RIMS1: variants seen among roughly 807,000 people sequenced by gnomAD.
RIMS1 encodes regulating synaptic membrane exocytosis protein 1.
Under a neutral mutation model 214.1 loss-of-function variants are expected in RIMS1, and 83 were observed. That is an observed-to-expected ratio of 0.39 (90% confidence interval 0.32 to 0.47). RIMS1 has a LOEUF of 0.47. RIMS1 is among the 20% of genes least tolerant of loss of function. The pLI, the probability that RIMS1 is intolerant of heterozygous loss-of-function variation, is 0.99. For synonymous variants in RIMS1, 793 were observed against 786.8 expected (o/e 1.01, Z -0.13); for missense variants, 2,050 against 2,161.8 (o/e 0.95, Z 1.03).
chr6:71,892,979 T>C (rs1422947804), intron 1 of RIMS1, among the ~76,000 whole-genome samples: 4 of 152,216 alleles, frequency 2.6e-5, no homozygotes, highest in Non-Finnish European at 5.9e-5. Context: ...AGATTTTATA[T>C]GTAAAGTGGA....
At chr6:72,083,749 A>G (rs886354493) in intron 2 of RIMS1, among the ~76,000 whole-genome samples, 1 of 152,152 alleles carries the variant, frequency 6.6e-6, no homozygotes, top group Non-Finnish European at 1.5e-5. Flanking sequence ...GATTATCTCA[A>G]TTAACCCTCC....
At chr6:72,278,899 A>G (rs1307622606) in intron 23 of RIMS1, among the ~76,000 whole-genome samples, 1 of 152,072 alleles carries the variant, frequency 6.6e-6, no homozygotes, top group Non-Finnish European at 1.5e-5. Context: ...GCACATTAAG[A>G]CAGTATAAGC....
chr6:71,898,177 A>G (rs1772445397), intron 1 of RIMS1, among the ~76,000 whole-genome samples: 1 of 152,180 alleles, frequency 6.6e-6, no homozygotes, highest in Non-Finnish European at 1.5e-5. Context: ...TTAAAAAGTA[A>G]TCCTCTGGAC....
chr6:71,989,564 C>G (rs1421499375), intron 2 of RIMS1, among the ~76,000 whole-genome samples: 1 of 152,152 alleles, frequency 6.6e-6, no homozygotes, highest in East Asian at 1.9e-4. Flanking sequence ...ATTACAATTA[C>G]AATTAGTTAC....
At chr6:72,316,240 C>A (rs2095789361) in intron 28 of RIMS1, among the ~76,000 whole-genome samples, 2 of 152,226 alleles carry the variant, frequency 1.3e-5, no homozygotes, top group South Asian at 4.2e-4. Context: ...GCTGGATCTA[C>A]CATTAGGCTC....
In RIMS1 at chr6:72,161,066, C is replaced by G. The variant is rs2045329572; in HGVS notation, c.472-18509C>G. Among the ~76,000 whole-genome samples, 2 of 139,472 alleles carry G rather than the reference C, an allele frequency of 1.4e-5. 1 individual carries two copies. Among genetic ancestry groups the G allele is most frequent in the Admixed American group, 1.5e-4 (2 of 13,612 alleles). The allele number at this position is 139,472 out of a possible 152,430, so 91.5% of individuals were successfully genotyped here. On this transcript the variant is annotated intron_variant, in intron 4 of 33. Coordinates refer to ENST00000521978, the MANE Select transcript of RIMS1 (RefSeq NM_014989.7). The stretch of plus-strand genomic sequence containing the variant: ...TTAATTATTGCCTCAATTTCAGAAG[C>G]TGTTATTGGTCTATTAAGAGATTCC...
At chr6:72,245,966 C>T in intron 11 of RIMS1, 105 bp downstream of exon 11, 2 of 740,522 alleles carry the variant, frequency 2.7e-6, no homozygotes, top group East Asian at 2.7e-5. Context: ...GGTTACTATA[C>T]TAAAGATGTC....
intron 2 of RIMS1, among the ~76,000 whole-genome samples, chr6:72,074,597 C>A (rs971015985): frequency 6.6e-6 from 1 of 152,056 alleles, no homozygotes; most frequent in Non-Finnish European, 1.5e-5. Context: ...CCTGGGAAGT[C>A]GAAGCTGCAG....
chr6:72,214,510 A>G (rs1186357782), intron 6 of RIMS1, among the ~76,000 whole-genome samples: 2 of 152,182 alleles, frequency 1.3e-5, no homozygotes, highest in Non-Finnish European at 2.9e-5. Flanking sequence ...ATGAGATGGA[A>G]TGAGGGACAA....
intron 29 of RIMS1, among the ~76,000 whole-genome samples, chr6:72,355,053 T>C (rs1423072776): frequency 6.6e-6 from 1 of 152,182 alleles, no homozygotes; most frequent in African/African-American, 2.4e-5. Flanking sequence ...ACCAATAAGG[T>C]AGACAATATC....
At position 72,260,747 on chromosome 6, in the gene RIMS1, A is replaced by G; in HGVS notation, c.3096A>G (p.Ala1032=). The G allele has an allele frequency of 1.2e-6, 2 of 1,612,460 alleles. No homozygotes were observed. The highest frequency in any genetic ancestry group is 1.7e-5 in the Admixed American group (1 of 59,860). ...MLPRAKRGRS[A]ECLHTTRHLV... ...CCAGAGCAAAACGAGGACGAAGTGC[A>G]GAATGCCTACATACTACCAGGTAAA... The change falls in exon 19 of 34, where the codon GCA becomes GCG. Residue 1032 remains alanine (A), a synonymous_variant. Transcript: ENST00000521978.
At chr6:72,325,452 AAT>A (rs999557627) in intron 28 of RIMS1, among the ~76,000 whole-genome samples, 5 of 150,452 alleles carry the variant, frequency 3.3e-5, no homozygotes, top group Non-Finnish European at 3.0e-5. Flanking sequence ...AGTCTATATA[AAT>A]ATATATATAT....
chr6:72,288,570 C>A lies in RIMS1; in HGVS notation c.3555-2109C>A, dbSNP rs551490230. Among the ~76,000 whole-genome samples the A allele has an allele frequency of 7.9e-5, 12 of 152,324 alleles. No homozygotes were observed. The East Asian group carries it at 1.5e-3, about 20-fold the overall frequency. On this transcript the variant is annotated intron_variant, in intron 24 of 33. Transcript: ENST00000521978. ...CCATTTCATTGAAAAGATCAGGGCACAACAGCCTGGATTCTTTCAACTTTA... is the reference window on the plus strand; with the variant it reads ...CCATTTCATTGAAAAGATCAGGGCAAAACAGCCTGGATTCTTTCAACTTTA...
At chr6:72,069,328 G>A (rs1038041908) in intron 2 of RIMS1, among the ~76,000 whole-genome samples, 9 of 152,236 alleles carry the variant, frequency 5.9e-5, no homozygotes, top group African/African-American at 2.2e-4. Context: ...AAAGGTAGCT[G>A]AAGGCCCTGA....
chr6:72,107,040 C>T lies in RIMS1; in HGVS notation c.471+7054C>T, dbSNP rs1017052486. Among the ~76,000 whole-genome samples the T allele has an allele frequency of 3.9e-5, 6 of 152,236 alleles. No homozygotes were observed. The East Asian group carries it at 1.2e-3, about 29-fold the overall frequency. ...TTCCAGTTGATGAAGAGCTGTCTAT[C>T]AAAGGGTCAGAGCAGCTCAAATGCC... On this transcript the variant is annotated intron_variant, in intron 4 of 33. Coordinates refer to ENST00000521978, the MANE Select transcript of RIMS1 (RefSeq NM_014989.7).
chr6:72,304,880 A>C (rs1483517021), intron 26 of RIMS1, among the ~76,000 whole-genome samples: 1 of 151,984 alleles, frequency 6.6e-6, no homozygotes, highest in Non-Finnish European at 1.5e-5. Context: ...GAGTGAGGAT[A>C]GCATAGCAAC....
chr6:72,194,332 T>C (rs914793938), intron 6 of RIMS1, among the ~76,000 whole-genome samples: 3 of 152,142 alleles, frequency 2.0e-5, no homozygotes, highest in African/African-American at 7.2e-5. Context: ...GTTACACATA[T>C]AAGTTAAACA....
rs532133083 is a variant in RIMS1, at chr6:72,213,298, T to C, written c.1679-20475T>C. Reference sequence around the variant, plus strand: ...AAATCTATATTTAACACTCCCTCTGTATCTATTTTCCAGTCAAAATATTTC... The same window carrying C: ...AAATCTATATTTAACACTCCCTCTGCATCTATTTTCCAGTCAAAATATTTC... On this transcript the variant is annotated intron_variant, in intron 6 of 33. Transcript: ENST00000521978. 10 of 1,262,242 alleles carry C rather than the reference T, an allele frequency of 7.9e-6. No homozygotes were observed. In the African/African-American group the frequency reaches 1.5e-4, roughly 19 times the overall value. The allele number at this position is 1,262,242 out of a possible 1,614,324, so 78.2% of individuals were successfully genotyped here.
chr6:72,345,303 AGTTT>A (rs1278099874), intron 29 of RIMS1, among the ~76,000 whole-genome samples: 1,744 of 151,930 alleles, frequency 0.011, 32 homozygotes, highest in African/African-American at 0.039. Flanking sequence ...TGAAAATGAT[AGTTT>A]ATTATTGGAT....
Sources: gnomAD v4.1 joint callset for allele counts (sites outside exome capture counted in the v4.1 genomes callset) on GRCh38, gnomAD v4.1.1 for gene constraint, MANE v1.5 for transcripts, NCBI Gene and HGNC (gene_info 2026-07-23, HGNC 2026-07-21) for gene names.